CCBE1: variants seen among roughly 807,000 people sequenced by gnomAD.
CCBE1 encodes collagen and calcium binding EGF domains 1.
CCBE1 carries 37 observed loss-of-function variants against 50.0 expected under a neutral mutation model. The ratio of observed to expected loss-of-function variants is 0.74; its 90% CI spans 0.57 to 0.97. CCBE1 has a LOEUF of 0.97. Among genes scored for constraint, CCBE1 ranks in the 50% least tolerant of loss-of-function variants. The probability of loss-of-function intolerance (pLI) is 0.00; values close to 1 mark genes in which losing one functional copy is unlikely to be tolerated. For missense variants in CCBE1, 538 were observed against 523.8 expected, an observed-to-expected ratio of 1.03 and a Z score of -0.26; for synonymous variants, 234 against 203.7, an observed-to-expected ratio of 1.15 and a Z score of -1.27.
intron 9 of CCBE1, 124 bp downstream of exon 9, chr18:59,439,419 A>C: frequency 1.7e-6 from 2 of 1,185,706 alleles, no homozygotes; most frequent in Non-Finnish European, 2.5e-6. Flanking sequence ...ATGAGCCAAG[A>C]TTGTGCCATT....
chr18:59,478,513 C>G (rs1373436169), intron 3 of CCBE1, among the ~76,000 whole-genome samples: 1 of 152,174 alleles, frequency 6.6e-6, no homozygotes, highest in African/African-American at 2.4e-5. Context: ...TCTGGCAAAA[C>G]AACTTTCAGC....
intron 2 of CCBE1, among the ~76,000 whole-genome samples, chr18:59,690,316 G>A (rs971883790): frequency 9.9e-5 from 15 of 152,186 alleles, no homozygotes; most frequent in African/African-American, 3.6e-4. Context: ...CTTGGCAGAA[G>A]AGGAACTGCA....
chr18:59,507,721 A>G (rs1423942457), intron 2 of CCBE1, among the ~76,000 whole-genome samples: 2 of 152,154 alleles, frequency 1.3e-5, no homozygotes, highest in African/African-American at 4.8e-5. Flanking sequence ...AATGAACTGA[A>G]AGCATTTGTT....
chr18:59,503,420 G>A (rs1913721972), intron 2 of CCBE1, among the ~76,000 whole-genome samples: 1 of 152,172 alleles, frequency 6.6e-6, no homozygotes, highest in Non-Finnish European at 1.5e-5. Context: ...ACATGGCCTG[G>A]TCACACAACC....
chr18:59,462,838 A>G (rs1911557253), intron 5 of CCBE1, among the ~76,000 whole-genome samples: 1 of 152,240 alleles, frequency 6.6e-6, no homozygotes, highest in African/African-American at 2.4e-5. Context: ...AGGAACCCAC[A>G]GGTCTGCAGA....
intron 2 of CCBE1, among the ~76,000 whole-genome samples, chr18:59,516,764 G>A (rs1454280508): frequency 6.6e-6 from 1 of 152,296 alleles, no homozygotes; most frequent in African/African-American, 2.4e-5. Flanking sequence ...TGTGGCAGGA[G>A]TGTAAGATCA....
Position 59,697,227 on chromosome 18 carries a change from G to C in CCBE1, c.116C>G (p.Pro39Arg). The stretch of plus-strand genomic sequence containing the variant: ...CAGCGCTTACCTGTCGCCGTCCTCC[G>C]GCTCCTCTCTGTAGGTCCACGTGTG... ...LGHTWTYREE[P>R]EDGDREICSE... The change falls in exon 1 of 11, where the codon CCG becomes CGG. Residue 39 changes from proline (P) to arginine (R), a missense_variant. Coordinates refer to ENST00000439986, the MANE Select transcript of CCBE1 (RefSeq NM_133459.4). 6.5e-7 allele frequency: 1 copy of C among 1,548,942 alleles called. No homozygotes were observed. The highest frequency in any genetic ancestry group is 8.7e-7 in the Non-Finnish European group (1 of 1,146,712).
chr18:59,677,192 G>A (rs1400126773), intron 2 of CCBE1, among the ~76,000 whole-genome samples: 1 of 152,186 alleles, frequency 6.6e-6, no homozygotes, highest in African/African-American at 2.4e-5. Context: ...CAGTGGCCTG[G>A]ACCAGGATGA....
chr18:59,508,384 G>A (rs1913979277), intron 2 of CCBE1, among the ~76,000 whole-genome samples: 1 of 151,856 alleles, frequency 6.6e-6, no homozygotes, highest in Non-Finnish European at 1.5e-5. Flanking sequence ...GATAATTTGA[G>A]GTCAGGAGTG....
chr18:59,649,987 G>A (rs1482234851), intron 2 of CCBE1, among the ~76,000 whole-genome samples: 1 of 152,058 alleles, frequency 6.6e-6, no homozygotes, highest in East Asian at 1.9e-4. Flanking sequence ...TTCCCCACTT[G>A]TTTTAGTGGC....
rs570790375 is a variant in CCBE1, at chr18:59,597,492, C to T, written c.212+99137G>A. Among the ~76,000 whole-genome samples, 11 of 152,254 alleles carry T rather than the reference C, an allele frequency of 7.2e-5. No homozygotes were observed. In the East Asian group the frequency reaches 1.5e-3, roughly 21 times the overall value. On this transcript the variant is annotated intron_variant, in intron 2 of 10. Transcript: ENST00000439986. ...TTCCCATCTCCTTCCTTCTTGCTTC[C>T]TCCGGTCCTCTCTGTATGACCCAAG...
chr18:59,490,436 T>C (rs1913046152), intron 2 of CCBE1, among the ~76,000 whole-genome samples: 1 of 141,422 alleles, frequency 7.1e-6, no homozygotes, highest in Admixed American at 7.1e-5. Flanking sequence ...GAGCATGAAT[T>C]GATTTTGTAA....
rs535614108 is a variant in CCBE1 at position 59,572,828 on chromosome 18, C to T, written c.213-92590G>A. 2.6e-5 allele frequency among the ~76,000 whole-genome samples: 4 copies of T among 152,216 alleles called. No homozygotes were observed. The East Asian group carries it at 5.8e-4, about 22-fold the overall frequency. On this transcript the variant is annotated intron_variant, in intron 2 of 10. Coordinates refer to ENST00000439986, the MANE Select transcript of CCBE1 (RefSeq NM_133459.4). ...TGTCTTGAAGACATTAAAGAGTATA[C>T]GTGTGTGCCCCTAAGATGGTTTTAG...
At chr18:59,506,535 G>A (rs1033797131) in intron 2 of CCBE1, among the ~76,000 whole-genome samples, 1 of 152,242 alleles carries the variant, frequency 6.6e-6, no homozygotes, top group African/African-American at 2.4e-5. Context: ...ACCACTTTCA[G>A]ATGAGCAAAG....
At chr18:59,542,834 C>A (rs551238555) in intron 2 of CCBE1, among the ~76,000 whole-genome samples, 1 of 152,118 alleles carries the variant, frequency 6.6e-6, no homozygotes, top group East Asian at 1.9e-4. Flanking sequence ...TAGAGCTGAA[C>A]CTTCTCTGAA....
intron 5 of CCBE1, among the ~76,000 whole-genome samples, chr18:59,461,321 C>G (rs1317495471): frequency 2.0e-5 from 3 of 146,650 alleles, no homozygotes; most frequent in South Asian, 2.1e-4. Context: ...TTTTTTTTGC[C>G]AGAACCATCA....
At chr18:59,697,073 G>A in intron 1 of CCBE1, 139 bp downstream of exon 1, 13 of 1,199,424 alleles carry the variant, frequency 1.1e-5, no homozygotes, top group African/African-American at 7.5e-5. Context: ...CAGGACAGCT[G>A]AGCACTCTCC....
intron 2 of CCBE1, among the ~76,000 whole-genome samples, chr18:59,533,189 CATTT>C (rs1403447119): frequency 6.6e-6 from 1 of 152,140 alleles, no homozygotes; most frequent in African/African-American, 2.4e-5. Flanking sequence ...CTAGAAATCA[CATTT>C]ATTCTGAACA....
intron 2 of CCBE1, among the ~76,000 whole-genome samples, chr18:59,553,382 G>A (rs577234080): frequency 6.6e-6 from 1 of 152,352 alleles, no homozygotes; most frequent in South Asian, 2.1e-4. Context: ...GGTTGTTACA[G>A]TCATGCACAA....
Sources: gnomAD v4.1 joint callset for allele counts (sites outside exome capture counted in the v4.1 genomes callset) on GRCh38, gnomAD v4.1.1 for gene constraint, MANE v1.5 for transcripts, NCBI Gene and HGNC (gene_info 2026-07-23, HGNC 2026-07-21) for gene names.